The following SH3BGRL2 variants were observed in gnomAD, a reference collection of about 807,000 sequenced individuals.
SH3BGRL2 encodes the protein SH3 domain-binding glutamic acid-rich-like protein 2.
A neutral mutation model predicts 14.8 loss-of-function variants in SH3BGRL2; 21 were observed. The observed-to-expected ratio is 1.42, with a 90% CI of 1.01 to 2.05. The LOEUF is 2.05. Ranked by LOEUF, SH3BGRL2 falls within the 30% of genes most tolerant of loss-of-function variation. The probability of loss-of-function intolerance (pLI) is 0.00; values close to 1 mark genes in which losing one functional copy is unlikely to be tolerated. For missense variants in SH3BGRL2, 147 were observed against 130.8 expected (o/e 1.12, Z -0.61); for synonymous variants, 50 against 47.8 (o/e 1.05, Z -0.19).
At chr6:79,635,218 C>G (rs1350780501) in intron 1 of SH3BGRL2, among the ~76,000 whole-genome samples, 1 of 152,194 alleles carries the variant, frequency 6.6e-6, no homozygotes, top group African/African-American at 2.4e-5. Flanking sequence ...TCTTTTACTC[C>G]TCATTAAAGT....
the SH3BGRL2 span, chr6:79,553,136 A>G: frequency 6.6e-6 from 1 of 152,240 alleles, no homozygotes; most frequent in Non-Finnish European, 1.5e-5. Flanking sequence ...TAATCTACAC[A>G]ACCAAATGCA....
At chr6:79,641,185 T>C (rs979311298) in intron 1 of SH3BGRL2, among the ~76,000 whole-genome samples, 5 of 150,054 alleles carry the variant, frequency 3.3e-5, no homozygotes, top group Non-Finnish European at 5.9e-5. Context: ...TGTGTGTGTG[T>C]GTGTGTGTGT....
At chr6:79,556,510 T>C in the SH3BGRL2 span, among the ~76,000 whole-genome samples, 6 of 152,056 alleles carry the variant, frequency 3.9e-5, no homozygotes, top group African/African-American at 1.2e-4. Context: ...ACAAAAATAC[T>C]GAATACTGAT....
At chr6:79,661,219 T>A (rs1270252846) in intron 1 of SH3BGRL2, among the ~76,000 whole-genome samples, 1 of 152,228 alleles carries the variant, frequency 6.6e-6, no homozygotes, top group African/African-American at 2.4e-5. Flanking sequence ...TTAACTGTGA[T>A]GTTAGGGTGT....
At chr6:79,558,377 A>G in the SH3BGRL2 span, among the ~76,000 whole-genome samples, 1 of 152,212 alleles carries the variant, frequency 6.6e-6, no homozygotes, top group Non-Finnish European at 1.5e-5. Flanking sequence ...CCTGGCATCA[A>G]GCCCAGTTTT....
chr6:79,586,795 C>G, the SH3BGRL2 span, among the ~76,000 whole-genome samples: 1 of 152,158 alleles, frequency 6.6e-6, no homozygotes, highest in African/African-American at 2.4e-5. Flanking sequence ...CTTCCATCAC[C>G]CTTCTTCACA....
At chr6:79,658,632 A>G (rs1426090716) in intron 1 of SH3BGRL2, among the ~76,000 whole-genome samples, 1 of 152,218 alleles carries the variant, frequency 6.6e-6, no homozygotes, top group East Asian at 1.9e-4. Context: ...TAGTAGCATG[A>G]TTTATAATCC....
the SH3BGRL2 span, among the ~76,000 whole-genome samples, chr6:79,576,941 C>T: frequency 6.6e-6 from 1 of 152,158 alleles, no homozygotes; most frequent in Non-Finnish European, 1.5e-5. Context: ...CCATGTGTTG[C>T]ATGTCTCAGT....
chr6:79,630,161 T>C (rs1012873308), upstream of SH3BGRL2, among the ~76,000 whole-genome samples: 1 of 152,170 alleles, frequency 6.6e-6, no homozygotes, highest in African/African-American at 2.4e-5. Context: ...TTTAAAAAGA[T>C]TCCTACTACA....
At chr6:79,614,162 A>G in the SH3BGRL2 span, among the ~76,000 whole-genome samples, 14 of 152,302 alleles carry the variant, frequency 9.2e-5, no homozygotes, top group African/African-American at 3.4e-4. Context: ...ATTGTGGCTG[A>G]GTGATAGTCT....
At chr6:79,545,283 C>G in the SH3BGRL2 span, among the ~76,000 whole-genome samples, 1 of 152,108 alleles carries the variant, frequency 6.6e-6, no homozygotes, top group Admixed American at 6.5e-5. Context: ...GTCAGATGCC[C>G]GTACTTCAGC....
At chr6:79,684,456 G>A (rs1770053768) in intron 2 of SH3BGRL2, among the ~76,000 whole-genome samples, 1 of 151,646 alleles carries the variant, frequency 6.6e-6, no homozygotes, top group Non-Finnish European at 1.5e-5. Context: ...ATTTATCTTA[G>A]TATCTGGTAT....
At chr6:79,583,168 T>C in the SH3BGRL2 span, among the ~76,000 whole-genome samples, 2 of 152,228 alleles carry the variant, frequency 1.3e-5, no homozygotes, top group East Asian at 3.8e-4. Context: ...ATAGGAATGC[T>C]TTTACACTGT....
intron 1 of SH3BGRL2, among the ~76,000 whole-genome samples, chr6:79,666,581 A>T (rs536021303): frequency 1.3e-5 from 2 of 152,160 alleles, no homozygotes; most frequent in Non-Finnish European, 2.9e-5. Context: ...ATCACTGGAA[A>T]GTTCCTGAGG....
At chr6:79,607,725 A>G in the SH3BGRL2 span, among the ~76,000 whole-genome samples, 1 of 152,104 alleles carries the variant, frequency 6.6e-6, no homozygotes, top group Non-Finnish European at 1.5e-5. Flanking sequence ...CAGGCAGATC[A>G]CCTGAGGTCA....
chr6:79,631,475 T>G lies in SH3BGRL2; in HGVS notation c.14T>G (p.Val5Gly). 6.6e-7 allele frequency: 1 copy of G among 1,508,254 alleles called. No individual in the cohort carries two copies. Among genetic ancestry groups the G allele is most frequent in the Non-Finnish European group, 8.9e-7 (1 of 1,126,538 alleles). 93.4% of individuals were successfully genotyped at this position (1,508,254 alleles called of 1,614,324 possible). MVIR[V>G]FIASSSGFVA... ...CGCAGCGAGAGGATGGTCATCCGCG[T>G]GTTCATCGCCTCTTCCTCGGGCTTC... Residue 5 changes from valine to glycine, a missense_variant, in exon 1 of 4, where the codon GTG (valine) becomes GGG (glycine). Physicochemically the swap from Val to Gly is moderately radical, Grantham distance 109 (BLOSUM62 -3). Transcript: ENST00000369838.
At chr6:79,585,991 T>C in the SH3BGRL2 span, among the ~76,000 whole-genome samples, 1 of 151,732 alleles carries the variant, frequency 6.6e-6, no homozygotes, top group African/African-American at 2.4e-5. Context: ...AGCTCAGGAG[T>C]TCGAGGCCAG....
intron 1 of SH3BGRL2, among the ~76,000 whole-genome samples, chr6:79,672,074 G>T (rs1159202289): frequency 1.3e-5 from 2 of 152,002 alleles, no homozygotes; most frequent in Non-Finnish European, 1.5e-5. Flanking sequence ...TCAACAAAAT[G>T]CTTTGAGTTC....
chr6:79,581,208 G>T, the SH3BGRL2 span, among the ~76,000 whole-genome samples: 1 of 152,130 alleles, frequency 6.6e-6, no homozygotes, highest in Non-Finnish European at 1.5e-5. Flanking sequence ...TCTACCAGAG[G>T]TATAAGGAGA....
Sources: allele counts gnomAD v4.1 joint callset (sites outside exome capture counted in the v4.1 genomes callset), GRCh38; gene constraint gnomAD v4.1.1; transcripts MANE v1.5; gene names NCBI Gene and HGNC (gene_info 2026-07-23, HGNC 2026-07-21).